The following OOSP4A variants were observed in gnomAD, a reference collection of about 807,000 sequenced individuals.
OOSP4A encodes the protein oocyte secreted protein family member 4A, also known as oocyte-secreted protein 4A.
At chr11:59,965,977 T>TG (rs1554960676) in intron 2 of OOSP4A, among the ~76,000 whole-genome samples, 18 of 152,228 alleles carry the variant, frequency 1.2e-4, no homozygotes, top group South Asian at 2.1e-4. Context: ...TAGTGTTTTT[T>TG]TTGTTGTTGT....
downstream of OOSP4A, chr11:59,970,185 G>GT: frequency 2.5e-6 from 1 of 397,410 alleles, no homozygotes. Context: ...CCTTTTAGAA[G>GT]TTGGACTAGT....
chr11:59,966,942 T>C (rs1854105923), intron 2 of OOSP4A, 125 bp from the exon 3 acceptor site: 1 of 376,442 alleles, frequency 2.7e-6, no homozygotes, highest in South Asian at 1.5e-4. Flanking sequence ...CTCATACCTA[T>C]TTTATTTCAT....
chr11:59,965,409 T>C lies in OOSP4A; in HGVS notation c.68-126T>C, dbSNP rs1329295349. 4 of 396,274 alleles carry C rather than the reference T, an allele frequency of 1.0e-5. No homozygotes were observed. The East Asian group carries it at 1.1e-4, about 11-fold the overall frequency. 24.5% of individuals were successfully genotyped at this position (396,274 alleles called of 1,614,324 possible). A position where few individuals can be genotyped will look rare whatever the true frequency, so the allele number is the denominator to read the frequency against. On this transcript the variant is annotated intron_variant, in intron 1 of 4. Transcript: ENST00000645590. ...ATCTCCCAGTGGAAAAATATACAAA[T>C]AGGAGCAAAACATTTTCACTCTACA...
chr11:59,969,700 A>T (rs1854136258), intron 4 of OOSP4A, among the ~76,000 whole-genome samples: 1 of 152,228 alleles, frequency 6.6e-6, no homozygotes, highest in Admixed American at 6.5e-5. Context: ...AGAATATTCA[A>T]ATAGGCTATA....
chr11:59,969,223 C>G, exon 4 of OOSP4A: 1 of 398,818 alleles, frequency 2.5e-6, no homozygotes, highest in Non-Finnish European at 4.4e-6. Flanking sequence ...GTCAGTGGGA[C>G]AGCACCGCTC....
chr11:59,970,032 C>A lies in OOSP4A; in HGVS notation c.480-17C>A, dbSNP rs887003045. ...CATCAGTACAACAATGTAACTGTTT[C>A]TTTTCCGTCCTTACAGGAACAGTGT... On this transcript the variant is annotated splice_polypyrimidine_tract_variant and intron_variant, in intron 4 of 4. Transcript: ENST00000645590. 2 of 397,872 alleles carry A rather than the reference C, an allele frequency of 5.0e-6. No homozygotes were observed. The highest frequency in any genetic ancestry group is 8.9e-6 in the Non-Finnish European group (2 of 225,638). 24.6% of individuals were successfully genotyped at this position (397,872 alleles called of 1,614,324 possible). A position where few individuals can be genotyped will look rare whatever the true frequency, so the allele number is the denominator to read the frequency against.
intron 3 of OOSP4A, among the ~76,000 whole-genome samples, chr11:59,967,851 C>T (rs1854116957): frequency 6.6e-6 from 1 of 152,016 alleles, no homozygotes; most frequent in South Asian, 2.1e-4. Context: ...GTTCTCTCTG[C>T]CCCTAGAGTG....
At chr11:59,967,212 G>A (rs1234514391) in intron 3 of OOSP4A, 48 bp downstream of exon 3, 2 of 396,920 alleles carry the variant, frequency 5.0e-6, no homozygotes, top group East Asian at 7.2e-5. Context: ...TATTATTTTT[G>A]CCTTCTAGGT....
Position 59,966,291 on chromosome 11 carries a change from A to G in OOSP4A, c.246+578A>G, listed in dbSNP as rs112125504. On this transcript the variant is annotated intron_variant, in intron 2 of 4. Coordinates refer to ENST00000645590, the Ensembl canonical transcript of OOSP4A. Reference sequence around the variant, plus strand: ...TTAGGTGAACTGATTCTATTTTTGGATCCAAGTACATGACTTTATCATTTG... The same window carrying G: ...TTAGGTGAACTGATTCTATTTTTGGGTCCAAGTACATGACTTTATCATTTG... Among the ~76,000 whole-genome samples the G allele has an allele frequency of 5.2e-3, 788 of 151,276 alleles. 8 individuals are homozygous for G. Among genetic ancestry groups the G allele is most frequent in the African/African-American group, 0.018 (742 of 41,208 alleles).
At chr11:59,969,308 C>T in intron 4 of OOSP4A, 24 bp downstream of exon 4, 1 of 398,014 alleles carries the variant, frequency 2.5e-6, no homozygotes, top group Non-Finnish European at 4.4e-6. Flanking sequence ...GAATTAGTAC[C>T]ATAAATGTTT....
rs766563463 is a variant in OOSP4A, at chr11:59,967,175, T to C, written c.344+11T>C. 5.0e-6 allele frequency: 2 copies of C among 398,098 alleles called. No homozygotes were observed. The highest frequency in any genetic ancestry group is 8.9e-6 in the Non-Finnish European group (2 of 225,762). The allele number at this position is 398,098 out of a possible 1,614,324, so 24.7% of individuals were successfully genotyped here. A position where few individuals can be genotyped will look rare whatever the true frequency, so the allele number is the denominator to read the frequency against. ...ATGCTATGTGCAAAGGTAAGTGCAG[T>C]GCACTACTGAGATTAAGGCTATCTA... On this transcript the variant is annotated intron_variant, in intron 3 of 4. Coordinates refer to ENST00000645590, the Ensembl canonical transcript of OOSP4A.
chr11:59,969,225 G>A (rs1590565353), exon 4 of OOSP4A: 3 of 398,830 alleles, frequency 7.5e-6, no homozygotes, highest in East Asian at 3.6e-5. Flanking sequence ...CAGTGGGACA[G>A]CACCGCTCAC....
chr11:59,965,309 T>G (rs1167832734), intron 1 of OOSP4A, among the ~76,000 whole-genome samples: 1 of 152,124 alleles, frequency 6.6e-6, no homozygotes, highest in Non-Finnish European at 1.5e-5. Context: ...AAGAAAAAAT[T>G]CTGAAGAAGT....
chr11:59,968,060 T>A (rs984267364), intron 3 of OOSP4A, among the ~76,000 whole-genome samples: 1 of 152,220 alleles, frequency 6.6e-6, no homozygotes, highest in Non-Finnish European at 1.5e-5. Context: ...AAACTTGGGT[T>A]TTCTTTAAGA....
chr11:59,969,929 C>G, intron 4 of OOSP4A, 120 bp from the exon 5 acceptor site: 1 of 392,012 alleles, frequency 2.6e-6, no homozygotes, highest in South Asian at 1.4e-4. Flanking sequence ...TATAATGGTC[C>G]CTGGGGTTTA....
intron 3 of OOSP4A, 144 bp downstream of exon 3, chr11:59,967,308 G>A (rs1271374642): frequency 7.7e-6 from 3 of 392,050 alleles, no homozygotes; most frequent in Admixed American, 4.4e-5. Flanking sequence ...GGTCATGTGA[G>A]TAGGTCTAAA....
At chr11:59,965,689 A>C (rs139851419) in exon 2 of OOSP4A, 48 of 398,468 alleles carry the variant, frequency 1.2e-4, no homozygotes, top group African/African-American at 9.0e-4. Context: ...TGTATCTTCT[A>C]ACTTTTTGTG....
chr11:59,969,434 A>T (rs1017276509), intron 4 of OOSP4A, 150 bp downstream of exon 4: 5 of 395,156 alleles, frequency 1.3e-5, no homozygotes, highest in Non-Finnish European at 2.2e-5. Context: ...TGCATTTTTT[A>T]TGTTTATTAG....
chr11:59,967,794 T>C (rs572432932), intron 3 of OOSP4A, among the ~76,000 whole-genome samples: 2 of 152,212 alleles, frequency 1.3e-5, no homozygotes, highest in Admixed American at 6.5e-5. Flanking sequence ...ATTCTGCTTG[T>C]GGTCAAATCC....
Sources: gnomAD v4.1 joint callset for allele counts (sites outside exome capture counted in the v4.1 genomes callset) on GRCh38, gnomAD v4.1.1 for gene constraint, MANE v1.5 for transcripts, NCBI Gene and HGNC (gene_info 2026-07-23, HGNC 2026-07-21) for gene names.